The following FAT4 variants were observed in gnomAD, a reference collection of about 807,000 sequenced individuals.
FAT4 encodes the protein FAT atypical cadherin 4.
FAT4 carries 84 observed loss-of-function variants against 303.9 expected under a neutral mutation model. The ratio of observed to expected loss-of-function variants is 0.28; its 90% confidence interval spans 0.23 to 0.33. The LOEUF (loss-of-function observed/expected upper bound fraction) is 0.33, where lower values mean the gene tolerates loss of function less well. Among genes scored for constraint, FAT4 ranks in the 10% least tolerant of loss-of-function variants. The pLI, the probability that FAT4 is intolerant of heterozygous loss-of-function variation, is 1.00. For missense variants in FAT4, 6,005 were observed against 6,146.8 expected (o/e 0.98, Z 0.77); for synonymous variants, 2,307 against 2,298.8 (o/e 1.00, Z -0.10).
chr4:125,355,574 A>G (rs985659146), intron 2 of FAT4, among the ~76,000 whole-genome samples: 5 of 152,044 alleles, frequency 3.3e-5, no homozygotes, highest in African/African-American at 1.2e-4. Context: ...TGAATGAGGA[A>G]ACACCTATGT....
intron 3 of FAT4, among the ~76,000 whole-genome samples, chr4:125,400,982 C>T (rs1266182994): frequency 6.6e-6 from 1 of 151,908 alleles, no homozygotes; most frequent in East Asian, 1.9e-4. Context: ...TAAAAATCAC[C>T]ACATTCTTAT....
intron 2 of FAT4, among the ~76,000 whole-genome samples, chr4:125,340,758 T>C (rs1033854069): frequency 6.6e-6 from 1 of 152,140 alleles, no homozygotes; most frequent in Admixed American, 6.5e-5. Context: ...GCAGCAGCAG[T>C]AGTAGTATTA....
chr4:125,447,872 T>G (rs1265657156), intron 9 of FAT4, among the ~76,000 whole-genome samples: 1 of 152,148 alleles, frequency 6.6e-6, no homozygotes, highest in Non-Finnish European at 1.5e-5. Context: ...TATCTGTGTA[T>G]GTATATACAC....
intron 12 of FAT4, among the ~76,000 whole-genome samples, chr4:125,474,052 G>C (rs17009753): frequency 2.6e-5 from 4 of 151,778 alleles, no homozygotes; most frequent in Middle Eastern, 3.4e-3. Context: ...TGGTGGTAAA[G>C]CTATAAAAAT....
At chr4:125,437,655 C>T (rs1408244437) in intron 8 of FAT4, among the ~76,000 whole-genome samples, 1 of 152,046 alleles carries the variant, frequency 6.6e-6, no homozygotes, top group Admixed American at 6.6e-5. Context: ...CTTCAAAAGG[C>T]CACTAAATAC....
intron 7 of FAT4, among the ~76,000 whole-genome samples, chr4:125,423,920 C>A (rs763130430): frequency 2.6e-5 from 4 of 152,196 alleles, no homozygotes; most frequent in Non-Finnish European, 4.4e-5. Flanking sequence ...TTCATTTTGG[C>A]CAATTTCTCC....
At chr4:125,368,522 G>GTATATATATATATA (rs11391727) in intron 2 of FAT4, among the ~76,000 whole-genome samples, 1 of 133,798 alleles carries the variant, frequency 7.5e-6, no homozygotes, top group East Asian at 2.3e-4. Flanking sequence ...TTATATATAT[G>GTATATATATATATA]TATATATATA....
At chr4:125,448,023 G>A (rs1725886686) in intron 9 of FAT4, among the ~76,000 whole-genome samples, 2 of 152,060 alleles carry the variant, frequency 1.3e-5, no homozygotes, top group South Asian at 2.1e-4. Flanking sequence ...CATATAAAGT[G>A]ATTGGAAGAT....
At chr4:125,339,043 C>T (rs1166236017) in intron 2 of FAT4, among the ~76,000 whole-genome samples, 1 of 152,132 alleles carries the variant, frequency 6.6e-6, no homozygotes, top group African/African-American at 2.4e-5. Flanking sequence ...GTGCTGTTAC[C>T]ATCTCTGTCC....
intron 10 of FAT4, among the ~76,000 whole-genome samples, chr4:125,460,249 CTTTA>C (rs1284924446): frequency 2.6e-5 from 4 of 151,928 alleles, no homozygotes; most frequent in Non-Finnish European, 5.9e-5. Flanking sequence ...CAACAAATTC[CTTTA>C]TTTAACCCCA....
At chr4:125,401,361 C>G (rs374976606) in intron 3 of FAT4, among the ~76,000 whole-genome samples, 6 of 151,796 alleles carry the variant, frequency 4.0e-5, no homozygotes, top group East Asian at 1.9e-4. Context: ...TTATTTTCTA[C>G]TTTATTCTCA....
intron 2 of FAT4, among the ~76,000 whole-genome samples, chr4:125,325,185 C>G (rs1285877762): frequency 6.6e-6 from 1 of 152,104 alleles, no homozygotes; most frequent in East Asian, 1.9e-4. Context: ...ACCCTGTCAG[C>G]AAACTTTTCA....
chr4:125,390,834 G>T (rs960168176), intron 2 of FAT4, among the ~76,000 whole-genome samples: 3 of 151,972 alleles, frequency 2.0e-5, no homozygotes, highest in Non-Finnish European at 4.4e-5. Context: ...ACATATTAAG[G>T]ATATTTTTTC....
intron 2 of FAT4, among the ~76,000 whole-genome samples, chr4:125,384,262 G>A (rs1052851065): frequency 6.6e-6 from 1 of 152,092 alleles, no homozygotes; most frequent in African/African-American, 2.4e-5. Flanking sequence ...TTCCAAAGTG[G>A]TTGCACCATC....
intron 2 of FAT4, among the ~76,000 whole-genome samples, chr4:125,391,246 T>C (rs1301090189): frequency 6.6e-6 from 1 of 152,014 alleles, no homozygotes; most frequent in Non-Finnish European, 1.5e-5. Flanking sequence ...CTATTTACAA[T>C]AGCAAAGAAA....
chr4:125,341,138 T>G (rs1458773064), intron 2 of FAT4, among the ~76,000 whole-genome samples: 1 of 152,142 alleles, frequency 6.6e-6, no homozygotes, highest in Non-Finnish European at 1.5e-5. Flanking sequence ...CTTAACTGAT[T>G]AAACCTTCTT....
At chr4:125,353,693 A>G (rs1006063415) in intron 2 of FAT4, among the ~76,000 whole-genome samples, 2 of 151,710 alleles carry the variant, frequency 1.3e-5, no homozygotes, top group African/African-American at 4.8e-5. Context: ...GTATTGTTGT[A>G]AGGGAGATCT....
chr4:125,419,592 C>G (rs556658810), intron 7 of FAT4, among the ~76,000 whole-genome samples: 1 of 152,284 alleles, frequency 6.6e-6, no homozygotes, highest in South Asian at 2.1e-4. Context: ...CTTGCATAGA[C>G]AGCATGCAGT....
At chr4:125,465,666 T>C (rs1450689757) in intron 11 of FAT4, among the ~76,000 whole-genome samples, 2 of 152,188 alleles carry the variant, frequency 1.3e-5, no homozygotes, top group African/African-American at 4.8e-5. Context: ...ATGTACCTTC[T>C]TGTCACTCTG....
Sources: gnomAD v4.1 joint callset for allele counts (sites outside exome capture counted in the v4.1 genomes callset) on GRCh38, gnomAD v4.1.1 for gene constraint, MANE v1.5 for transcripts, NCBI Gene and HGNC (gene_info 2026-07-23, HGNC 2026-07-21) for gene names.